MRPS6: variants seen among roughly 807,000 people sequenced by gnomAD.
The protein encoded by MRPS6 is small ribosomal subunit protein bS6m.
MRPS6 carries 6 observed loss-of-function variants against 13.1 expected under a neutral mutation model. The ratio of observed to expected loss-of-function variants is 0.46; its 90% CI spans 0.25 to 0.91. The LOEUF is 0.91. Ranked by LOEUF, MRPS6 falls within the 40% of genes least tolerant of loss-of-function variation. The pLI is 0.18. For missense variants in MRPS6, 164 were observed against 155.6 expected (o/e 1.05, Z -0.29); for synonymous variants, 61 against 56.5 (o/e 1.08, Z -0.36).
At chr21:34,130,583 G>C (rs1980468811) in intron 2 of MRPS6, among the ~76,000 whole-genome samples, 1 of 152,154 alleles carries the variant, frequency 6.6e-6, no homozygotes, top group Non-Finnish European at 1.5e-5. Flanking sequence ...TTTGGGCCAT[G>C]TAGTAGAGAG....
chr21:34,088,080 C>T (rs1281917510), intron 1 of MRPS6, among the ~76,000 whole-genome samples: 1 of 152,162 alleles, frequency 6.6e-6, no homozygotes, highest in African/African-American at 2.4e-5. Context: ...ACACTTCATC[C>T]ATTAAGAGCA....
intron 1 of MRPS6, chr21:34,105,326 A>G: frequency 2.0e-6 from 2 of 999,024 alleles, no homozygotes; most frequent in Non-Finnish European, 1.2e-6. Flanking sequence ...TTTTGATAAG[A>G]TGGATATCAA....
chr21:34,122,251 A>G (rs760949141), intron 1 of MRPS6: 1 of 152,150 alleles, frequency 6.6e-6, no homozygotes, highest in African/African-American at 2.4e-5. Context: ...TTCCAGTTCA[A>G]CTTTATTTGC....
chr21:34,074,148 C>T (rs1224929730), intron 1 of MRPS6, among the ~76,000 whole-genome samples: 1 of 149,040 alleles, frequency 6.7e-6, no homozygotes, highest in African/African-American at 2.4e-5. Context: ...GTGAAGCTGC[C>T]TCGTCGCCGG....
intron 1 of MRPS6, among the ~76,000 whole-genome samples, chr21:34,076,223 G>C (rs1190305351): frequency 6.6e-6 from 1 of 152,184 alleles, no homozygotes; most frequent in African/African-American, 2.4e-5. Flanking sequence ...GCAGTACTCA[G>C]CCTGGAGAGC....
At chr21:34,111,521 C>G (rs578106402) in intron 1 of MRPS6, among the ~76,000 whole-genome samples, 6 of 152,344 alleles carry the variant, frequency 3.9e-5, no homozygotes, top group East Asian at 1.9e-4. Context: ...AATCAGACAT[C>G]ATGTTCTTCA....
Position 34,096,534 on chromosome 21 carries a change from G to A in MRPS6, c.45+22789G>A. 1 of 1,614,160 alleles carries A rather than the reference G, an allele frequency of 6.2e-7. No homozygotes were observed. Among genetic ancestry groups the A allele is most frequent in the Non-Finnish European group, 8.5e-7 (1 of 1,180,006 alleles). On this transcript the variant is annotated intron_variant, in intron 1 of 2. Transcript: ENST00000399312. The surrounding 1 kb of genome is among the most constrained non-coding windows in gnomAD (Gnocchi z 5.9). ...GTACCTTTACATTCAGGAGGTAGCA[G>A]ATTACCTGACACCCCCAGTGGCAGC...
At chr21:34,088,411 A>G (rs1978508981) in intron 1 of MRPS6, among the ~76,000 whole-genome samples, 1 of 152,214 alleles carries the variant, frequency 6.6e-6, no homozygotes, top group African/African-American at 2.4e-5. Flanking sequence ...ACTTCTTTTT[A>G]CTTTTAATCT....
intron 1 of MRPS6, among the ~76,000 whole-genome samples, chr21:34,076,223 G>A (rs1190305351): frequency 2.0e-5 from 3 of 152,184 alleles, no homozygotes; most frequent in African/African-American, 7.2e-5. Context: ...GCAGTACTCA[G>A]CCTGGAGAGC....
At position 34,125,443 on chromosome 21, in the gene MRPS6, A is replaced by G. The variant is rs769613125; in HGVS notation, c.148A>G (p.Arg50Gly). The change falls in exon 2 of 3, where the codon AGG becomes GGG. Residue 50 changes from arginine (R) to glycine (G), a missense_variant. By Grantham distance (125) the Arg-to-Gly change is moderately radical. Transcript: ENST00000399312. ...CCTGGGTGAACGAGCGCTTCCTTAT[A>G]GGATCTCTGCCCACAGTCAGCAGCA... is the stretch of plus-strand genomic sequence containing the variant. ...ENLGERALPY[R>G]ISAHSQQHNR... 3.7e-6 allele frequency: 6 copies of G among 1,613,982 alleles called. No individual in the cohort carries two copies. The African/African-American group carries it at 5.3e-5, about 14-fold the overall frequency.
chr21:34,136,338 G>C (rs186718548), intron 2 of MRPS6, among the ~76,000 whole-genome samples: 1 of 151,982 alleles, frequency 6.6e-6, no homozygotes, highest in African/African-American at 2.4e-5. Context: ...GGTAGAGGTA[G>C]GGTTTCACCA....
chr21:34,082,759 CAGAT>C (rs376641739), intron 1 of MRPS6, among the ~76,000 whole-genome samples: 1,752 of 152,194 alleles, frequency 0.012, 38 homozygotes, highest in South Asian at 0.081. Flanking sequence ...ACTCCCACTC[CAGAT>C]AGATAACATC....
At chr21:34,120,893 A>G (rs115918966) in intron 1 of MRPS6, among the ~76,000 whole-genome samples, 1 of 152,346 alleles carries the variant, frequency 6.6e-6, no homozygotes, top group African/African-American at 2.4e-5. Context: ...GCTTTGTTGT[A>G]TATGAAAAGT....
chr21:34,073,764 G>A lies in MRPS6; in HGVS notation c.45+19G>A. The A allele has an allele frequency of 6.7e-7, 1 of 1,489,790 alleles. No individual in the cohort carries two copies. Among genetic ancestry groups the A allele is most frequent in the South Asian group, 1.2e-5 (1 of 82,928 alleles). 92.3% of individuals were successfully genotyped at this position (1,489,790 alleles called of 1,614,324 possible). On this transcript the variant is annotated intron_variant, in intron 1 of 2. Transcript: ENST00000399312. ...GCAGCGGGTAAGTGACCTTCCCTCA[G>A]AGCCGGTCTTCCCGCGCGGGCGCCC...
intron 1 of MRPS6, among the ~76,000 whole-genome samples, chr21:34,075,544 C>CA (rs753570977): frequency 3.6e-4 from 54 of 148,548 alleles, no homozygotes; most frequent in Middle Eastern, 3.4e-3. Context: ...GGAAGGGGGG[C>CA]AAAAAAAAGA....
rs779611304 is a variant in MRPS6 at position 34,096,895 on chromosome 21, A to G, written c.45+23150A>G. 32 of 1,614,152 alleles carry G rather than the reference A, an allele frequency of 2.0e-5. No individual in the cohort carries two copies. The South Asian group carries it at 3.4e-4, about 17-fold the overall frequency. On this transcript the variant is annotated intron_variant, in intron 1 of 2. Transcript: ENST00000399312. The surrounding 1 kb of genome is among the most constrained non-coding windows in gnomAD (Gnocchi z 5.9). ...TGCTCCCCAAAAGAGGAACCATACA[A>G]AATGCAAGAAAAGAGCATTCTGAGA...
rs554380597 is a variant in MRPS6 at position 34,099,603 on chromosome 21, A to AT, written c.46-25728dup. On this transcript the variant is annotated intron_variant, in intron 1 of 2. Coordinates refer to ENST00000399312, the MANE Select transcript of MRPS6 (RefSeq NM_032476.4). ...CGTAAATGAATAGGAGGTGTTTGTG[A>AT]TTTTTTTTTTCTCCCTTTATTTAAC... is the stretch of plus-strand genomic sequence containing the variant. The AT allele has an allele frequency of 6.8e-3, 6,307 of 934,334 alleles. 70 individuals carry two copies. In the South Asian group the frequency reaches 0.081, roughly 12 times the overall value. The allele number at this position is 934,334 out of a possible 1,614,324, so 57.9% of individuals were successfully genotyped here.
At chr21:34,103,330 AAC>A in intron 1 of MRPS6, 2 of 997,920 alleles carry the variant, frequency 2.0e-6, no homozygotes, top group African/African-American at 1.7e-5. Context: ...AAAAAAAAAA[AAC>A]ATGCATTACA....
intron 1 of MRPS6, among the ~76,000 whole-genome samples, chr21:34,074,036 C>A (rs2148649320): frequency 6.8e-6 from 1 of 146,070 alleles, no homozygotes; most frequent in East Asian, 2.0e-4. Flanking sequence ...ACCGAGCGGG[C>A]CCCGACCCCG....
Sources: allele counts gnomAD v4.1 joint callset (sites outside exome capture counted in the v4.1 genomes callset), GRCh38; gene constraint gnomAD v4.1.1; non-coding constraint Gnocchi (gnomAD v3.1); transcripts MANE v1.5; gene names NCBI Gene and HGNC (gene_info 2026-07-23, HGNC 2026-07-21).